Variants in INPPL1 observed in about 807,000 individuals in gnomAD.
INPPL1 encodes the protein inositol polyphosphate phosphatase like 1, also known as phosphatidylinositol 3,4,5-trisphosphate 5-phosphatase 2.
INPPL1 carries 91 observed loss-of-function variants against 139.3 expected under a neutral mutation model. The ratio of observed to expected loss-of-function variants is 0.65; its 90% CI spans 0.55 to 0.78. The LOEUF is 0.78. INPPL1 is among the 30% of genes least tolerant of loss of function. INPPL1 has a pLI of 0.00. For missense variants in INPPL1, 1,411 were observed against 1,665.6 expected (o/e 0.85, Z 2.66); for synonymous variants, 719 against 686.6 (o/e 1.05, Z -0.74).
intron 25 of INPPL1, among the ~76,000 whole-genome samples, 200 bp from the exon 26 acceptor site, chr11:72,236,924 T>TAGGGTTATCCATTCAA (rs1299844205): frequency 1.3e-5 from 2 of 152,202 alleles, no homozygotes; most frequent in Non-Finnish European, 2.9e-5. Context: ...CAAGGGATTG[T>TAGGGTTATCCATTCAA]AGGGTTATCC....
chr11:72,237,641 G>A lies in INPPL1; in HGVS notation c.3397G>A (p.Val1133Met). 1 of 1,610,512 alleles carries A rather than the reference G, an allele frequency of 6.2e-7. No homozygotes were observed. ...GCAGATGGCCAAGACGCTGAGCGAG[G>A]TGGACTATGCCCCTGCTGGGCCTGC... is the stretch of plus-strand genomic sequence containing the variant. Reference protein sequence around the residue: ...VLQMAKTLSEVDYAPAGPARS... With the variant: ...VLQMAKTLSEMDYAPAGPARS... Residue 1133 changes from valine (V) to methionine (M), a missense_variant, in exon 26 of 28, where the codon GTG becomes ATG. This residue lies in a region of INPPL1 where 438 missense variants were observed against 425.7 expected (regional missense o/e 1.03). Transcript: ENST00000298229.
chr11:72,228,555 C>G lies in INPPL1; in HGVS notation c.397+57C>G. The G allele has an allele frequency of 8.8e-6, 14 of 1,585,332 alleles. No homozygotes were observed. The South Asian group carries it at 1.3e-4, about 15-fold the overall frequency. ...CCCTGTCCCTTGGCTCTACCTGCCT[C>G]TTCCCATCCCCCCTTCTCAACCCCA... On this transcript the variant is annotated intron_variant, in intron 3 of 27. Transcript: ENST00000298229. The surrounding 1 kb of genome is among the most constrained non-coding windows in gnomAD (Gnocchi z 5.0).
At position 72,232,890 on chromosome 11, in the gene INPPL1, A is replaced by G. The variant is rs200686213; in HGVS notation, c.1867A>G (p.Ile623Val). The change falls in exon 16 of 28, where the codon ATC becomes GTC. Residue 623 changes from isoleucine to valine, a missense_variant. By Grantham distance (29) the Ile-to-Val change is conservative. Transcript: ENST00000298229. ...TCCACCCCAGGAGATCCTGAACTAC[A>G]TCAGCAGGAAAGAGTTTGAGCCCCT... ...DMDIQEILNY[I>V]SRKEFEPLLR... The G allele has an allele frequency of 6.2e-7, 1 of 1,614,024 alleles. No homozygotes were observed. Among genetic ancestry groups the G allele is most frequent in the Non-Finnish European group, 8.5e-7 (1 of 1,179,986 alleles).
rs1331453779 is a variant in INPPL1, at chr11:72,235,591, T to G, written c.2660-84T>G. On this transcript the variant is annotated intron_variant, in intron 23 of 27. Coordinates refer to ENST00000298229, the MANE Select transcript of INPPL1 (RefSeq NM_001567.4). The surrounding 1 kb of genome is among the most constrained non-coding windows in gnomAD (Gnocchi z 4.9). ...GAATAGTCCTGCCCCAAGGCATAGCTGGGAAAGGGCTGGCAGGCCCACTGG... is the reference window on the plus strand; with the variant it reads ...GAATAGTCCTGCCCCAAGGCATAGCGGGGAAAGGGCTGGCAGGCCCACTGG... 3 of 1,582,904 alleles carry G rather than the reference T, an allele frequency of 1.9e-6. No individual in the cohort carries two copies. Among genetic ancestry groups the G allele is most frequent in the East Asian group, 4.5e-5 (2 of 44,728 alleles).
At chr11:72,237,089 G>A (rs1949007170) in intron 25 of INPPL1, 35 bp from the exon 26 acceptor site, 3 of 1,536,340 alleles carry the variant, frequency 2.0e-6, no homozygotes, top group African/African-American at 1.4e-5. Flanking sequence ...CTGGGTTCCT[G>A]GATCCTGGCT....
In INPPL1 at chr11:72,234,618, G is replaced by A. The variant is rs1263025248; in HGVS notation, c.2415+3G>A. The A allele has an allele frequency of 1.2e-6, 2 of 1,608,012 alleles. No individual in the cohort carries two copies. Among genetic ancestry groups the A allele is most frequent in the African/African-American group, 2.7e-5 (2 of 74,892 alleles). On this transcript the variant is annotated splice_donor_region_variant and intron_variant, in intron 21 of 27. Coordinates refer to ENST00000298229, the MANE Select transcript of INPPL1 (RefSeq NM_001567.4). The surrounding 1 kb of genome is among the most constrained non-coding windows in gnomAD (Gnocchi z 4.2). ...GGTCTTCACGCCAGCTGCCCACGGT[G>A]AGGCTGTGGGCAGGGCCCCTGCTTA...
chr11:72,227,235 C>G (rs2135419230), intron 1 of INPPL1, among the ~76,000 whole-genome samples: 1 of 152,280 alleles, frequency 6.6e-6, no homozygotes, highest in East Asian at 1.9e-4. Context: ...ACTCTGTGGC[C>G]TTAGGAAAAT....
rs565550675 is a variant in INPPL1, at chr11:72,231,200, G to C, written c.1497+11G>C. ...CTGGATTACCGCCCGGTGAGGGGGGGTCATCTTGTCCAGGACCCTGTCCTC... is the reference window on the plus strand; with the variant it reads ...CTGGATTACCGCCCGGTGAGGGGGGCTCATCTTGTCCAGGACCCTGTCCTC... On this transcript the variant is annotated intron_variant, in intron 12 of 27. Transcript: ENST00000298229. The C allele has an allele frequency of 3.9e-5, 62 of 1,604,844 alleles. No individual in the cohort carries two copies. Among genetic ancestry groups the C allele is most frequent in the South Asian group, 8.9e-5 (8 of 90,374 alleles).
chr11:72,232,090 A>C, intron 13 of INPPL1, 150 bp from the exon 14 acceptor site: 2 of 647,680 alleles, frequency 3.1e-6, no homozygotes, highest in Non-Finnish European at 5.5e-6. Context: ...CCCCCAGGGA[A>C]GGTGTGGGTG....
At chr11:72,230,674 G>C (rs1948807364) in intron 10 of INPPL1, 122 bp from the exon 11 acceptor site, 2 of 872,304 alleles carry the variant, frequency 2.3e-6, no homozygotes, top group Non-Finnish European at 3.6e-6. Context: ...TGAGCAGTGG[G>C]TATGCAGTGG....
At chr11:72,225,576 C>G (rs895714742) in intron 1 of INPPL1, 1 of 972,032 alleles carries the variant, frequency 1.0e-6, no homozygotes, top group East Asian at 1.1e-4. Context: ...GAGGGACTGA[C>G]GGGGTGTGTG....
chr11:72,237,864 C>T (rs1189826200), intron 26 of INPPL1, 68 bp downstream of exon 26: 1 of 1,509,654 alleles, frequency 6.6e-7, no homozygotes, highest in Non-Finnish European at 8.9e-7. Context: ...TACCCTTTCA[C>T]TCCACCATTC....
chr11:72,225,238 C>A, intron 1 of INPPL1, 72 bp downstream of exon 1: 4 of 1,224,594 alleles, frequency 3.3e-6, no homozygotes, highest in Non-Finnish European at 4.1e-6. Flanking sequence ...GTGGAAAGGG[C>A]CCGGGTGAGG....
chr11:72,227,945 G>A, intron 1 of INPPL1: 2 of 545,994 alleles, frequency 3.7e-6, no homozygotes, highest in East Asian at 3.2e-5. Context: ...CCTGTGGTGG[G>A]TGTGGAGTCT....
In INPPL1 at chr11:72,233,075, G is replaced by T. The variant is rs777171110; in HGVS notation, c.1952G>T (p.Ser651Ile). 2 of 1,613,990 alleles carry T rather than the reference G, an allele frequency of 1.2e-6. No homozygotes were observed. Among genetic ancestry groups the T allele is most frequent in the East Asian group, 4.5e-5 (2 of 44,866 alleles). Residue 651 changes from serine to isoleucine, a missense_variant and splice_region_variant, in exon 17 of 28, where the codon AGT (serine) becomes ATT (isoleucine). Physicochemically the swap from Ser to Ile is moderately radical, Grantham distance 142. This residue lies in a region of INPPL1 where 363 missense variants were observed against 446.2 expected (regional missense o/e 0.81). Coordinates refer to ENST00000298229, the MANE Select transcript of INPPL1 (RefSeq NM_001567.4). Reference protein sequence around the residue: ...REKHKVFLRFSEEEISFPPTY... With the variant: ...REKHKVFLRFIEEEISFPPTY... ...CCCACCTGTCTCCTGCTTTCCTTAGGTGAGGAGGAGATCTCCTTCCCACCC... is the reference window on the plus strand; with the variant it reads ...CCCACCTGTCTCCTGCTTTCCTTAGTTGAGGAGGAGATCTCCTTCCCACCC...
intron 13 of INPPL1, 27 bp downstream of exon 13, chr11:72,231,642 A>G: frequency 6.7e-7 from 1 of 1,491,660 alleles, no homozygotes; most frequent in Non-Finnish European, 9.3e-7. Flanking sequence ...GGTGCCCAAG[A>G]GTGGCAGCGT....
chr11:72,226,051 C>G (rs1001283214), intron 1 of INPPL1, among the ~76,000 whole-genome samples: 2 of 151,950 alleles, frequency 1.3e-5, no homozygotes, highest in Non-Finnish European at 2.9e-5. Flanking sequence ...TTATTTAGAT[C>G]TTTATTTAGA....
At chr11:72,223,865 G>A (rs1948588946), upstream of INPPL1, 1 of 150,442 alleles carries the variant, frequency 6.6e-6, no homozygotes, top group Non-Finnish European at 1.5e-5. Flanking sequence ...GGCGGGCGGC[G>A]CGGAGGGCGG....
rs140470303 is a variant in INPPL1 at position 72,233,998 on chromosome 11, G to A, written c.2212+254G>A. On this transcript the variant is annotated intron_variant, in intron 19 of 27. Transcript: ENST00000298229. ...TGTGTCTGTGTCTGTCTAGGGCCACGTGTGTGTCCCTGAGTATGCCTGTAG... is the reference window on the plus strand; with the variant it reads ...TGTGTCTGTGTCTGTCTAGGGCCACATGTGTGTCCCTGAGTATGCCTGTAG... 3.4e-4 allele frequency among the ~76,000 whole-genome samples: 52 copies of A among 152,316 alleles called. No homozygotes were observed. In the East Asian group the frequency reaches 9.3e-3, roughly 27 times the overall value.
Sources: gnomAD v4.1 joint callset for allele counts (sites outside exome capture counted in the v4.1 genomes callset) on GRCh38, gnomAD v4.1.1 for gene constraint, gnomAD v4.1.1 regional missense constraint, Gnocchi (gnomAD v3.1) non-coding constraint, MANE v1.5 for transcripts, NCBI Gene and HGNC (gene_info 2026-07-23, HGNC 2026-07-21) for gene names.